Variants in KDM5A observed in about 807,000 individuals in gnomAD.
KDM5A encodes the protein lysine-specific demethylase 5A.
KDM5A carries 42 observed loss-of-function variants against 193.5 expected under a neutral mutation model. The ratio of observed to expected loss-of-function variants is 0.22; its 90% CI spans 0.17 to 0.28. The LOEUF is 0.28. Ranked by LOEUF, KDM5A falls within the 10% of genes least tolerant of loss-of-function variation. The probability of loss-of-function intolerance (pLI) is 1.00; values close to 1 mark genes in which losing one functional copy is unlikely to be tolerated. For synonymous variants in KDM5A, 796 were observed against 718.1 expected (o/e 1.11, Z -1.73); for missense variants, 1,692 against 2,055.1 (o/e 0.82, Z 3.42).
intron 1 of KDM5A, among the ~76,000 whole-genome samples, chr12:386,773 C>T (rs34812983): frequency 0.081 from 12,272 of 152,118 alleles, 745 homozygotes; most frequent in Non-Finnish European, 0.12. Flanking sequence ...CTGTATTGCT[C>T]AGAGAAGCAA....
rs1212587078 is a variant in KDM5A, at chr12:285,046, C to G, written c.*410G>C. On this transcript the variant is annotated 3_prime_UTR_variant, in exon 28 of 28. Coordinates refer to ENST00000399788, the MANE Select transcript of KDM5A (RefSeq NM_001042603.3). ...TCCAACTATCCCAATGAAGGAGATCCAAGCAATTAGCACCTTCAGTTGGTG... is the reference window on the plus strand; with the variant it reads ...TCCAACTATCCCAATGAAGGAGATCGAAGCAATTAGCACCTTCAGTTGGTG... The G allele has an allele frequency of 1.4e-5, 4 of 284,358 alleles. No individual in the cohort carries two copies. The highest frequency in any genetic ancestry group is 2.7e-5 in the Non-Finnish European group (4 of 148,948). 17.6% of individuals were successfully genotyped at this position (284,358 alleles called of 1,614,324 possible). A position where few individuals can be genotyped will look rare whatever the true frequency, so the allele number is the denominator to read the frequency against.
At chr12:336,488 G>C (rs574281725) in intron 10 of KDM5A, among the ~76,000 whole-genome samples, 1 of 151,780 alleles carries the variant, frequency 6.6e-6, no homozygotes, top group East Asian at 1.9e-4. Context: ...GGAAATAAAA[G>C]AATCTCAACA....
intron 3 of KDM5A, among the ~76,000 whole-genome samples, chr12:377,331 A>C (rs1358084319): frequency 6.6e-6 from 1 of 152,184 alleles, no homozygotes; most frequent in Admixed American, 6.5e-5. Context: ...ATTATCAAAG[A>C]ATACAGGAAA....
chr12:374,566 C>A (rs1002209814), intron 3 of KDM5A, among the ~76,000 whole-genome samples: 2 of 152,126 alleles, frequency 1.3e-5, no homozygotes, highest in East Asian at 3.8e-4. Flanking sequence ...GCATTTAGCC[C>A]ATTTACATTT....
At chr12:286,662 A>G (rs1335313835) in intron 27 of KDM5A, among the ~76,000 whole-genome samples, 1 of 152,208 alleles carries the variant, frequency 6.6e-6, no homozygotes, top group Admixed American at 6.5e-5. Context: ...TATACAACTT[A>G]AGAGAAAGAA....
intron 18 of KDM5A, among the ~76,000 whole-genome samples, chr12:319,580 C>T (rs544567928): frequency 2.0e-5 from 3 of 152,022 alleles, no homozygotes; most frequent in South Asian, 2.1e-4. Flanking sequence ...GGCAAAAACT[C>T]GTCTCTACAA....
At chr12:380,920 G>C (rs936515756) in intron 3 of KDM5A, among the ~76,000 whole-genome samples, 33 of 151,568 alleles carry the variant, frequency 2.2e-4, no homozygotes, top group African/African-American at 7.8e-4. Context: ...TCAGCCTCCT[G>C]AGCAGATGGA....
chr12:363,154 G>GA (rs376861191), intron 4 of KDM5A, 57 bp from the exon 5 acceptor site: 1 of 1,604,754 alleles, frequency 6.2e-7, no homozygotes, highest in African/African-American at 1.3e-5. Context: ...TCATGCTGGA[G>GA]AATCAGTGTA....
intron 10 of KDM5A, among the ~76,000 whole-genome samples, chr12:349,563 C>T (rs1456793454): frequency 6.8e-6 from 1 of 146,792 alleles, no homozygotes; most frequent in Non-Finnish European, 1.5e-5. Context: ...CTCCTGACCT[C>T]GTGATCCACC....
chr12:310,810 A>G, intron 21 of KDM5A, 75 bp downstream of exon 21: 1 of 1,461,204 alleles, frequency 6.8e-7, no homozygotes. Flanking sequence ...AATCAGATAA[A>G]CTGAAAATAA....
chr12:364,552 G>C (rs917663832), intron 4 of KDM5A, among the ~76,000 whole-genome samples: 1 of 151,302 alleles, frequency 6.6e-6, no homozygotes, highest in African/African-American at 2.4e-5. Context: ...TTGGGAGGCC[G>C]AGGTGAGTGG....
chr12:323,877 G>A, intron 14 of KDM5A, 96 bp from the exon 15 acceptor site: 2 of 933,262 alleles, frequency 2.1e-6, no homozygotes, highest in Non-Finnish European at 3.5e-6. Flanking sequence ...ACAAATCTCT[G>A]ACTTAAAGGT....
Position 293,184 on chromosome 12 carries a change from AT to A in KDM5A, c.4456-16del. 1 of 1,603,206 alleles carries A rather than the reference AT, an allele frequency of 6.2e-7. No individual in the cohort carries two copies. Among genetic ancestry groups the A allele is most frequent in the Non-Finnish European group, 8.5e-7 (1 of 1,171,794 alleles). On this transcript the variant is annotated splice_polypyrimidine_tract_variant and intron_variant, in intron 26 of 27. Coordinates refer to ENST00000399788, the MANE Select transcript of KDM5A (RefSeq NM_001042603.3). ...ATGCTGTCATCCTTCAAAAATATAA[AT>A]TTAGGAACAATTTTAAAGCAAGACA...
At chr12:384,618 T>A (rs1174475729) in intron 2 of KDM5A, among the ~76,000 whole-genome samples, 1 of 152,186 alleles carries the variant, frequency 6.6e-6, no homozygotes, top group Non-Finnish European at 1.5e-5. Context: ...TAGCCAATAA[T>A]AAAGAGGCAA....
chr12:375,163 C>A (rs1182301760), intron 3 of KDM5A, among the ~76,000 whole-genome samples: 2 of 152,210 alleles, frequency 1.3e-5, no homozygotes, highest in Non-Finnish European at 2.9e-5. Flanking sequence ...TAATATCCTG[C>A]AGAGTGTTTT....
intron 27 of KDM5A, among the ~76,000 whole-genome samples, chr12:287,884 T>C (rs1943240016): frequency 6.6e-6 from 1 of 152,220 alleles, no homozygotes; most frequent in Non-Finnish European, 1.5e-5. Flanking sequence ...CTCACTGGCT[T>C]ACAATTTCCC....
chr12:377,059 G>A (rs1944514785), intron 3 of KDM5A, among the ~76,000 whole-genome samples: 1 of 151,480 alleles, frequency 6.6e-6, no homozygotes, highest in South Asian at 2.1e-4. Context: ...TTAAGAAGTA[G>A]CAGCAGTACC....
intron 1 of KDM5A, among the ~76,000 whole-genome samples, chr12:386,239 A>C (rs551038726): frequency 6.6e-6 from 1 of 152,372 alleles, no homozygotes; most frequent in East Asian, 1.9e-4. Context: ...CATATACATA[A>C]TGAGATATCT....
At chr12:367,281 T>C (rs1167794703) in intron 3 of KDM5A, among the ~76,000 whole-genome samples, 1 of 152,186 alleles carries the variant, frequency 6.6e-6, no homozygotes, top group East Asian at 1.9e-4. Flanking sequence ...CCAGGCATAG[T>C]GGCTCACATC....
Sources: allele counts gnomAD v4.1 joint callset (sites outside exome capture counted in the v4.1 genomes callset), GRCh38; gene constraint gnomAD v4.1.1; transcripts MANE v1.5; gene names NCBI Gene and HGNC (gene_info 2026-07-23, HGNC 2026-07-21).